The following MAN2B1 variants were observed in gnomAD, a reference collection of about 807,000 sequenced individuals.
MAN2B1 encodes the protein mannosidase alpha class 2B member 1, also known as lysosomal alpha-mannosidase.
MAN2B1 carries 99 observed loss-of-function variants against 127.5 expected under a neutral mutation model. The observed-to-expected ratio is 0.78, with a 90% confidence interval of 0.66 to 0.92. The LOEUF is 0.92. MAN2B1 is among the 40% of genes least tolerant of loss of function. The pLI is 0.00. For missense variants in MAN2B1, 1,304 were observed against 1,384.8 expected, an observed-to-expected ratio of 0.94 and a Z score of 0.93; for synonymous variants, 573 against 568.8, an observed-to-expected ratio of 1.01 and a Z score of -0.11.
At chr19:12,652,520 T>C in intron 14 of MAN2B1, 60 bp from the exon 15 acceptor site, 1 of 1,222,716 alleles carries the variant, frequency 8.2e-7, no homozygotes, top group Non-Finnish European at 1.2e-6. Flanking sequence ...TTTTCTTTTT[T>C]TAATTTTTCT....
chr19:12,646,599 G>A lies in MAN2B1; in HGVS notation c.*21C>T. On this transcript the variant is annotated 3_prime_UTR_variant, in exon 24 of 24. Transcript: ENST00000456935. ...CCCCCGGAGCAGGAGGCTTGGGCTT[G>A]GAGGGCCCATCCCAGCAGACCTAAC... 1.3e-6 allele frequency: 2 copies of A among 1,570,272 alleles called. No individual in the cohort carries two copies. Among genetic ancestry groups the A allele is most frequent in the East Asian group, 2.2e-5 (1 of 44,674 alleles).
At chr19:12,648,423 A>G (rs1599339791) in intron 20 of MAN2B1, 21 bp from the exon 21 acceptor site, 1 of 1,584,090 alleles carries the variant, frequency 6.3e-7, no homozygotes, top group Non-Finnish European at 8.7e-7. Flanking sequence ...AGTGGCCAGG[A>G]GGGGGTGAGA....
chr19:12,657,487 C>A lies in MAN2B1; in HGVS notation c.1378G>T (p.Asp460Tyr). The A allele has an allele frequency of 6.4e-7, 1 of 1,569,328 alleles. No individual in the cohort carries two copies. Among genetic ancestry groups the A allele is most frequent in the Non-Finnish European group, 8.6e-7 (1 of 1,157,936 alleles). ...CCTGCCGCAAGCTGGCGCGCGTAGT[C>A]GTTGGCCACGTGCTGGCGGGAGGTG... is the stretch of plus-strand genomic sequence containing the variant. ...SGTSRQHVANDYARQLAAGWG... is the reference protein window; with the variant it reads ...SGTSRQHVANYYARQLAAGWG... The change falls in exon 11 of 24, where the codon GAC (aspartate) becomes TAC (tyrosine). Residue 460 changes from aspartate to tyrosine, a missense_variant. Coordinates refer to ENST00000456935, the MANE Select transcript of MAN2B1 (RefSeq NM_000528.4).
At position 12,657,494 on chromosome 19, in the gene MAN2B1, C is replaced by A. The variant is rs1160690876; in HGVS notation, c.1371G>T (p.Val457=). Residue 457 remains valine, a synonymous_variant, in exon 11 of 24, where the codon GTG becomes GTT. Coordinates refer to ENST00000456935, the MANE Select transcript of MAN2B1 (RefSeq NM_000528.4). ...DAVSGTSRQH[V]ANDYARQLAA... ...CAAGCTGGCGCGCGTAGTCGTTGGCCACGTGCTGGCGGGAGGTGCCGCTGA... is the reference window on the plus strand; with the variant it reads ...CAAGCTGGCGCGCGTAGTCGTTGGCAACGTGCTGGCGGGAGGTGCCGCTGA... The A allele has an allele frequency of 6.4e-7, 1 of 1,572,256 alleles. No homozygotes were observed. The highest frequency in any genetic ancestry group is 1.2e-5 in the South Asian group (1 of 85,760).
Position 12,647,764 on chromosome 19 carries a change from T to A in MAN2B1, c.2665-166A>T. 1 of 631,218 alleles carries A rather than the reference T, an allele frequency of 1.6e-6. No homozygotes were observed. Among genetic ancestry groups the A allele is most frequent in the Non-Finnish European group, 2.7e-6 (1 of 364,030 alleles). 39.1% of individuals were successfully genotyped at this position (631,218 alleles called of 1,614,324 possible). On this transcript the variant is annotated intron_variant, in intron 21 of 23. Coordinates refer to ENST00000456935, the MANE Select transcript of MAN2B1 (RefSeq NM_000528.4). The surrounding 1 kb of genome is among the most constrained non-coding windows in gnomAD (Gnocchi z 4.9). ...CGGCCAGGGCCGTGACAGGGAGGAC[T>A]GAGCCAATGGGGAGATGGGTCGGTC...
rs1231700141 is a variant in MAN2B1 at position 12,657,303 on chromosome 19, C to CA, written c.1419+142dup. 21 of 626,964 alleles carry CA rather than the reference C, an allele frequency of 3.3e-5. 1 individual carries two copies. Among genetic ancestry groups the CA allele is most frequent in the Admixed American group, 2.4e-4 (11 of 45,098 alleles). 38.8% of individuals were successfully genotyped at this position (626,964 alleles called of 1,614,324 possible). The stretch of plus-strand genomic sequence containing the variant: ...TTCCTGTATCTTTCCCCGCCTCCTA[C>CA]AAGCCCCGCCCCCACGAGCCCTTGT... On this transcript the variant is annotated intron_variant, in intron 11 of 23. Coordinates refer to ENST00000456935, the MANE Select transcript of MAN2B1 (RefSeq NM_000528.4).
Position 12,647,605 on chromosome 19 carries a change from GA to G in MAN2B1, c.2665-8del. ...CCCTGCGCAGCCCTGAGAACTGCGG[GA>G]GAGAGGGCGGGGCTGAGTTGGAGAG... On this transcript the variant is annotated splice_region_variant and splice_polypyrimidine_tract_variant and intron_variant, in intron 21 of 23. Coordinates refer to ENST00000456935, the MANE Select transcript of MAN2B1 (RefSeq NM_000528.4). This position sits in a 1 kb window ranked among gnomAD's most constrained non-coding sequence, Gnocchi z 4.9. 1.2e-6 allele frequency: 2 copies of G among 1,610,144 alleles called. No individual in the cohort carries two copies. Among genetic ancestry groups the G allele is most frequent in the East Asian group, 2.2e-5 (1 of 44,816 alleles).
intron 14 of MAN2B1, among the ~76,000 whole-genome samples, 180 bp downstream of exon 14, chr19:12,655,514 C>T (rs575130623): frequency 1.3e-5 from 2 of 152,298 alleles, no homozygotes; most frequent in East Asian, 3.9e-4. Flanking sequence ...GTCCTCATAA[C>T]AGTCCCAGGA....
Position 12,646,663 on chromosome 19 carries a change from C to G in MAN2B1, c.2993G>C (p.Arg998Pro). 6.2e-7 allele frequency: 1 copy of G among 1,614,038 alleles called. No individual in the cohort carries two copies. The highest frequency in any genetic ancestry group is 1.1e-5 in the South Asian group (1 of 91,074). The change falls in exon 24 of 24, where the codon CGC (arginine) becomes CCC (proline). Residue 998 changes from arginine (R) to proline (P), a missense_variant. Coordinates refer to ENST00000456935, the MANE Select transcript of MAN2B1 (RefSeq NM_000528.4). ...ANITLEPMEI[R>P]TFLASVQWKE... ...CCATTGAACTGAGGCCAGGAAAGTG[C>G]GGATTTCCATGGGTTCCAGCGTGAT... is the stretch of plus-strand genomic sequence containing the variant.
chr19:12,656,085 G>C, intron 13 of MAN2B1: 1 of 546,384 alleles, frequency 1.8e-6, no homozygotes, highest in East Asian at 3.1e-5. Flanking sequence ...GGAGGGTGGA[G>C]AGACCATGGA....
At position 12,648,324 on chromosome 19, in the gene MAN2B1, G is replaced by A. The variant is rs1291147781; in HGVS notation, c.2515C>T (p.Arg839Ter). The A allele has an allele frequency of 6.2e-7, 1 of 1,613,602 alleles. No homozygotes were observed. Among genetic ancestry groups the A allele is most frequent in the Non-Finnish European group, 8.5e-7 (1 of 1,179,924 alleles). ...LMENGSGAWV[R>*]GRHLVLLDTA... is the part of the protein sequence containing the mutation. ...TCCAGCAGCACCAGGTGGCGCCCTC[G>A]CACCCACGCCCCCGACCCGTTCTCC... The change falls in exon 21 of 24, where the codon CGA (arginine) becomes TGA (stop). Residue 839 changes from arginine to a stop codon, truncating the protein, a stop_gained. Coordinates refer to ENST00000456935, the MANE Select transcript of MAN2B1 (RefSeq NM_000528.4). LOFTEE classifies it high-confidence loss of function.
chr19:12,665,233 G>A, intron 3 of MAN2B1, 119 bp downstream of exon 3: 1 of 1,303,170 alleles, frequency 7.7e-7, no homozygotes, highest in Non-Finnish European at 1.1e-6. Flanking sequence ...AGTCCAGGCA[G>A]GCGGAGCGAC....
At chr19:12,664,428 G>A (rs2024178592) in intron 4 of MAN2B1, among the ~76,000 whole-genome samples, 1 of 152,166 alleles carries the variant, frequency 6.6e-6, no homozygotes, top group Non-Finnish European at 1.5e-5. Context: ...CACAGCCTGA[G>A]GATGGATGGG....
chr19:12,657,764 G>C (rs950337486), intron 10 of MAN2B1: 4 of 618,476 alleles, frequency 6.5e-6, no homozygotes, highest in Non-Finnish European at 8.6e-6. Context: ...GACCATCCTG[G>C]CTAACATGGT....
chr19:12,665,833 C>A, intron 1 of MAN2B1, 28 bp from the exon 2 acceptor site: 1 of 1,574,102 alleles, frequency 6.4e-7, no homozygotes, highest in Non-Finnish European at 8.7e-7. Context: ...ACACACATAC[C>A]TTGTCAATAA....
Position 12,665,529 on chromosome 19 carries a change from T to G in MAN2B1, c.263-4A>C, listed in dbSNP as rs1201157333. 4.3e-6 allele frequency: 7 copies of G among 1,614,128 alleles called. No individual in the cohort carries two copies. The highest frequency in any genetic ancestry group is 5.9e-6 in the Non-Finnish European group (7 of 1,180,024). The stretch of plus-strand genomic sequence containing the variant: ...GCGTGCTGGATGTCATTCTTGACTG[T>G]GGATAACAGGGATAAGGCTCTCAGG... On this transcript the variant is annotated splice_region_variant and splice_polypyrimidine_tract_variant and intron_variant, in intron 2 of 23. Coordinates refer to ENST00000456935, the MANE Select transcript of MAN2B1 (RefSeq NM_000528.4).
In MAN2B1 at chr19:12,646,521, G is replaced by A. The variant is rs1289588237; in HGVS notation, c.*99C>T. The A allele has an allele frequency of 1.1e-6, 1 of 905,138 alleles. No homozygotes were observed. The highest frequency in any genetic ancestry group is 1.8e-6 in the Non-Finnish European group (1 of 545,442). The allele number at this position is 905,138 out of a possible 1,614,324, so 56.1% of individuals were successfully genotyped here. A position where few individuals can be genotyped will look rare whatever the true frequency, so the allele number is the denominator to read the frequency against. On this transcript the variant is annotated 3_prime_UTR_variant, in exon 24 of 24. Transcript: ENST00000456935. Reference sequence around the variant, plus strand: ...CAGTCACAGAGCGACCTGAGTCTTAGTAGTAGCGTTTTAATGGCAGCAGCC... The same window carrying A: ...CAGTCACAGAGCGACCTGAGTCTTAATAGTAGCGTTTTAATGGCAGCAGCC...
chr19:12,650,357 CTTTT>C (rs35532533), intron 16 of MAN2B1, 135 bp from the exon 17 acceptor site: 1,569 of 489,516 alleles, frequency 3.2e-3, no homozygotes, highest in Middle Eastern at 5.3e-3. Context: ...CCACATAATT[CTTTT>C]TTTTTTTTTT....
At chr19:12,657,237 C>T (rs1423888223) in intron 11 of MAN2B1, 181 bp from the exon 12 acceptor site, 2 of 707,706 alleles carry the variant, frequency 2.8e-6, no homozygotes, top group South Asian at 3.0e-5. Flanking sequence ...CCTCCTCTTG[C>T]CCACGCCCCG....
Sources: gnomAD v4.1 joint callset for allele counts (sites outside exome capture counted in the v4.1 genomes callset) on GRCh38, gnomAD v4.1.1 for gene constraint, Gnocchi (gnomAD v3.1) non-coding constraint, MANE v1.5 for transcripts, NCBI Gene and HGNC (gene_info 2026-07-23, HGNC 2026-07-21) for gene names.